The following MRTFB variants were observed in gnomAD, a reference collection of about 807,000 sequenced individuals.
MRTFB encodes the protein myocardin related transcription factor B.
A neutral mutation model predicts 104.2 loss-of-function variants in MRTFB; 29 were observed. That is an observed-to-expected ratio of 0.28 (90% CI 0.21 to 0.38). The LOEUF (loss-of-function observed/expected upper bound fraction) is 0.38. Ranked by LOEUF, MRTFB falls within the 10% of genes least tolerant of loss-of-function variation. The probability of loss-of-function intolerance (pLI) is 1.00; values close to 1 mark genes in which losing one functional copy is unlikely to be tolerated. For synonymous variants in MRTFB, 535 were observed against 519.5 expected (o/e 1.03, Z -0.41); for missense variants, 1,270 against 1,341.6 (o/e 0.95, Z 0.83).
At chr16:14,123,961 T>C (rs2036978973) in intron 2 of MRTFB, among the ~76,000 whole-genome samples, 1 of 152,204 alleles carries the variant, frequency 6.6e-6, no homozygotes, top group African/African-American at 2.4e-5. Context: ...TGGTTTCTAG[T>C]TCTCCTTGAA....
At chr16:14,011,715 T>C in the MRTFB span, among the ~76,000 whole-genome samples, 2 of 151,918 alleles carry the variant, frequency 1.3e-5, no homozygotes, top group Admixed American at 1.3e-4. Context: ...CTACTAAAAA[T>C]ACAAAAATTA....
At position 14,247,051 on chromosome 16, in the gene MRTFB, G is replaced by C; in HGVS notation, c.1791G>C (p.Val597=). 1 of 1,614,192 alleles carries C rather than the reference G, an allele frequency of 6.2e-7. No homozygotes were observed. Among genetic ancestry groups the C allele is most frequent in the Non-Finnish European group, 8.5e-7 (1 of 1,180,044 alleles). Residue 597 remains valine (V), a synonymous_variant, in exon 12 of 17, where the codon GTG becomes GTC. Coordinates refer to ENST00000571589, the MANE Select transcript of MRTFB (RefSeq NM_001308142.2). ...AACAAGAGCAGAAGCTCGTGGAAGT[G>C]CTGAAAATGCAACTTGAGGTTGAAA... is the stretch of plus-strand genomic sequence containing the variant. ...KLEQEQKLVE[V]LKMQLEVEKR...
rs1425532319 is a variant in MRTFB, at chr16:14,261,151, A to G, written c.3007A>G (p.Ser1003Gly). ...ANEIPPLQSSSEDREPFSLIE... is the reference protein window; with the variant it reads ...ANEIPPLQSSGEDREPFSLIE... The stretch of plus-strand genomic sequence containing the variant: ...TGAAATTCCTCCACTACAAAGCAGC[A>G]GTGAAGACAGAGAGCCCTTCTCTCT... The change falls in exon 17 of 17, where the codon AGT becomes GGT. Residue 1003 changes from serine to glycine, a missense_variant. This residue lies in a region of MRTFB where 1,144 missense variants were observed against 1,131.5 expected (regional missense o/e 1.01). Coordinates refer to ENST00000571589, the MANE Select transcript of MRTFB (RefSeq NM_001308142.2). The G allele has an allele frequency of 6.2e-7, 1 of 1,614,226 alleles. No individual in the cohort carries two copies. Among genetic ancestry groups the G allele is most frequent in the Non-Finnish European group, 8.5e-7 (1 of 1,180,038 alleles).
At chr16:14,054,794 A>G in the MRTFB span, among the ~76,000 whole-genome samples, 1 of 152,166 alleles carries the variant, frequency 6.6e-6, no homozygotes, top group African/African-American at 2.4e-5. Context: ...CCCCCAAGGA[A>G]TGGAAGCTCT....
chr16:14,265,139 CAGGTGGGG>C lies in MRTFB; in HGVS notation c.*3698_*3705del, dbSNP rs1158136207. ...CCTCACAGAAGTCCTGGCTGTCACT[CAGGTGGGG>C]AGCTCATGGTGCCGCTGGGGACTTT... On this transcript the variant is annotated 3_prime_UTR_variant, in exon 17 of 17. Coordinates refer to ENST00000571589, the MANE Select transcript of MRTFB (RefSeq NM_001308142.2). The C allele has an allele frequency of 2.0e-5, 3 of 152,194 alleles. No homozygotes were observed. Among genetic ancestry groups the C allele is most frequent in the African/African-American group, 4.8e-5 (2 of 41,452 alleles). The allele number at this position is 152,194 out of a possible 1,614,324, so 9.4% of individuals were successfully genotyped here. A position where few individuals can be genotyped will look rare whatever the true frequency, so the allele number is the denominator to read the frequency against.
intron 2 of MRTFB, among the ~76,000 whole-genome samples, chr16:14,083,150 A>C (rs1428551827): frequency 1.3e-5 from 2 of 151,070 alleles, no homozygotes; most frequent in Non-Finnish European, 3.0e-5. Flanking sequence ...TTTTTTTTTC[A>C]GATAGTTCGT....
intron 2 of MRTFB, among the ~76,000 whole-genome samples, chr16:14,109,362 T>C (rs938560812): frequency 1.3e-5 from 2 of 152,172 alleles, no homozygotes; most frequent in Non-Finnish European, 2.9e-5. Context: ...AGTTTAAGTT[T>C]CTGAGATGCT....
intron 2 of MRTFB, among the ~76,000 whole-genome samples, chr16:14,080,393 G>C (rs2034325366): frequency 6.6e-6 from 1 of 151,834 alleles, no homozygotes; most frequent in Non-Finnish European, 1.5e-5. Context: ...TGTATGTATT[G>C]TGTACCACAT....
upstream of MRTFB, among the ~76,000 whole-genome samples, chr16:14,069,360 A>T (rs2033559670): frequency 2.0e-5 from 3 of 152,040 alleles, no homozygotes; most frequent in African/African-American, 7.2e-5. Flanking sequence ...ACACCATCAG[A>T]TTCCCTGGTT....
intron 9 of MRTFB, 65 bp from the exon 10 acceptor site, chr16:14,240,172 C>T (rs564270397): frequency 1.2e-5 from 18 of 1,492,792 alleles, no homozygotes; most frequent in Middle Eastern, 2.0e-4. Flanking sequence ...CATTTAGTCA[C>T]GCAGTACAAA....
chr16:14,175,152 A>AC (rs397763513), intron 3 of MRTFB, among the ~76,000 whole-genome samples: 47 of 152,272 alleles, frequency 3.1e-4, no homozygotes, highest in African/African-American at 1.1e-3. Flanking sequence ...TTAAAAAAAA[A>AC]CATATTTATT....
chr16:14,026,264 C>T, the MRTFB span, among the ~76,000 whole-genome samples: 1 of 152,162 alleles, frequency 6.6e-6, no homozygotes, highest in African/African-American at 2.4e-5. Context: ...TATAGACACA[C>T]AGATCAATGG....
chr16:14,223,072 C>T (rs2041812259), intron 8 of MRTFB, among the ~76,000 whole-genome samples: 1 of 152,032 alleles, frequency 6.6e-6, no homozygotes, highest in Non-Finnish European at 1.5e-5. Context: ...TTTGGGAGGC[C>T]AAGGCAGGTG....
chr16:14,189,723 T>C (rs2040092810), intron 3 of MRTFB, among the ~76,000 whole-genome samples: 1 of 152,234 alleles, frequency 6.6e-6, no homozygotes, highest in Non-Finnish European at 1.5e-5. Flanking sequence ...GAAGGAGGGA[T>C]AAATTTGGGT....
At chr16:14,065,674 G>A in the MRTFB span, among the ~76,000 whole-genome samples, 1 of 152,112 alleles carries the variant, frequency 6.6e-6, no homozygotes, top group African/African-American at 2.4e-5. Context: ...GAGCCCAGGA[G>A]TTCAAGGCTG....
chr16:14,099,382 GTTT>G (rs151000122), intron 2 of MRTFB, among the ~76,000 whole-genome samples: 3 of 137,146 alleles, frequency 2.2e-5, no homozygotes, highest in African/African-American at 2.6e-5. Context: ...TTTTTGGTGG[GTTT>G]TTTTTTTTTT....
At chr16:14,135,950 A>G (rs556832107) in intron 2 of MRTFB, among the ~76,000 whole-genome samples, 3 of 152,238 alleles carry the variant, frequency 2.0e-5, no homozygotes, top group East Asian at 1.9e-4. Flanking sequence ...ACTTACCCCA[A>G]TACAATTAGA....
the MRTFB span, among the ~76,000 whole-genome samples, chr16:14,048,161 C>G: frequency 1.3e-5 from 2 of 152,134 alleles, no homozygotes; most frequent in Non-Finnish European, 2.9e-5. Context: ...TCTTAAAGCC[C>G]CAAAATGATC....
the MRTFB span, among the ~76,000 whole-genome samples, chr16:14,054,020 G>T: frequency 6.6e-6 from 1 of 152,088 alleles, no homozygotes; most frequent in Non-Finnish European, 1.5e-5. Context: ...AGTCATTTGA[G>T]AAACCTCCTT....
Sources: gnomAD v4.1 joint callset for allele counts (sites outside exome capture counted in the v4.1 genomes callset) on GRCh38, gnomAD v4.1.1 for gene constraint, gnomAD v4.1.1 regional missense constraint, MANE v1.5 for transcripts, NCBI Gene and HGNC (gene_info 2026-07-23, HGNC 2026-07-21) for gene names.